The following HDX variants were observed in gnomAD, a reference collection of about 807,000 sequenced individuals.
HDX encodes highly divergent homeobox, also known as chromosome X open reading frame 43.
HDX carries 19 observed loss-of-function variants against 45.2 expected under a neutral mutation model. The observed-to-expected ratio is 0.42, with a 90% CI of 0.29 to 0.62. The LOEUF is 0.62. Ranked by LOEUF, HDX falls within the 20% of genes least tolerant of loss-of-function variation. HDX has a pLI of 0.20. For missense variants in HDX, 532 were observed against 493.9 expected, an observed-to-expected ratio of 1.08 and a Z score of -0.73; for synonymous variants, 188 against 172.8, an observed-to-expected ratio of 1.09 and a Z score of -0.69.
At position 84,319,746 on chromosome X, in the gene HDX, A is replaced by G. The variant is rs2036563331; in HGVS notation, c.*2143T>C. The G allele has an allele frequency of 9.0e-6, 1 of 111,464 alleles. No individual in the cohort carries two copies. Among genetic ancestry groups the G allele is most frequent in the African/African-American group, 3.2e-5 (1 of 30,865 alleles). The allele number at this position is 111,464 out of a possible 1,213,427, so 9.2% of individuals were successfully genotyped here. A position where few individuals can be genotyped will look rare whatever the true frequency, so the allele number is the denominator to read the frequency against. ...GAACCTTAAATCTATTAAAAATTCT[A>G]CTTAAATATGGTTTATTAATATCAT... On this transcript the variant is annotated 3_prime_UTR_variant, in exon 11 of 11. Transcript: ENST00000373177.
At position 84,320,974 on chromosome X, in the gene HDX, C is replaced by G. The variant is rs1411151944; in HGVS notation, c.*915G>C. ...AAATGAGGTAAATTTTGTGGCAAAG[C>G]TGAATGACTAAATTTTTAAAAAATC... On this transcript the variant is annotated 3_prime_UTR_variant, in exon 11 of 11. Coordinates refer to ENST00000373177, the MANE Select transcript of HDX (RefSeq NM_001177479.2). The G allele has an allele frequency of 9.0e-6, 1 of 110,628 alleles. No individual in the cohort carries two copies. Among genetic ancestry groups the G allele is most frequent in the African/African-American group, 3.3e-5 (1 of 30,614 alleles). The allele number at this position is 110,628 out of a possible 1,213,427, so 9.1% of individuals were successfully genotyped here. A position where few individuals can be genotyped will look rare whatever the true frequency, so the allele number is the denominator to read the frequency against.
intron 5 of HDX, among the ~76,000 whole-genome samples, chrX:84,365,534 C>G (rs1285948097): frequency 9.0e-6 from 1 of 111,656 alleles, no homozygotes; most frequent in African/African-American, 3.3e-5. Flanking sequence ...CTCCTGGTTC[C>G]CAAAGGAGGA....
At chrX:84,385,986 TG>T (rs1208757477) in intron 5 of HDX, among the ~76,000 whole-genome samples, 1 of 109,113 alleles carries the variant, frequency 9.2e-6, no homozygotes, top group East Asian at 2.9e-4. Flanking sequence ...TTGTTGGCTG[TG>T]GGTTTGTCAC....
chrX:84,353,908 G>A (rs2037416203), intron 6 of HDX, among the ~76,000 whole-genome samples: 1 of 111,134 alleles, frequency 9.0e-6, no homozygotes, highest in African/African-American at 3.3e-5. Flanking sequence ...CAATATCTAT[G>A]GTTTTATTTC....
At chrX:84,356,203 T>C (rs1384209365) in intron 6 of HDX, among the ~76,000 whole-genome samples, 1 of 111,796 alleles carries the variant, frequency 8.9e-6, no homozygotes, top group African/African-American at 3.2e-5. Context: ...TAAAAACATA[T>C]AAATAGTTTT....
chrX:84,374,396 T>C (rs2037985479), intron 5 of HDX, among the ~76,000 whole-genome samples: 1 of 109,785 alleles, frequency 9.1e-6, no homozygotes, highest in Admixed American at 9.8e-5. Flanking sequence ...CTTCACAGAA[T>C]TGGAAAAAAC....
intron 2 of HDX, among the ~76,000 whole-genome samples, chrX:84,486,123 C>A (rs763416799): frequency 9.0e-6 from 1 of 111,480 alleles, no homozygotes; most frequent in African/African-American, 3.3e-5. Context: ...CTTTTTCCAA[C>A]TTCTTTTGGA....
At chrX:84,410,903 A>G (rs2038967612) in intron 5 of HDX, among the ~76,000 whole-genome samples, 1 of 111,133 alleles carries the variant, frequency 9.0e-6, no homozygotes, top group South Asian at 3.8e-4. Context: ...GGAGGGTTGT[A>G]TGTTTCTAGA....
chrX:84,497,142 C>T (rs2041018496), intron 1 of HDX, among the ~76,000 whole-genome samples: 1 of 111,919 alleles, frequency 8.9e-6, no homozygotes, highest in African/African-American at 3.2e-5. Flanking sequence ...CCTGAGGCCT[C>T]CCCAGCCATG....
rs56715513 is a variant in HDX at position 84,414,547 on chromosome X, C to T, written c.1305+25985G>A. Among the ~76,000 whole-genome samples, 341 of 111,304 alleles carry T rather than the reference C, an allele frequency of 3.1e-3. 1 individual carries two copies. The highest frequency in any genetic ancestry group is 0.011 in the African/African-American group (326 of 30,774). ...CTTTATCCTTTCATTTTTCTTTTCC[C>T]TGTTCCAGGTATGTCGAGATTCCAA... On this transcript the variant is annotated intron_variant, in intron 5 of 10. Coordinates refer to ENST00000373177, the MANE Select transcript of HDX (RefSeq NM_001177479.2).
At chrX:84,376,732 G>A (rs995966029) in intron 5 of HDX, among the ~76,000 whole-genome samples, 4 of 112,199 alleles carry the variant, frequency 3.6e-5, no homozygotes, top group African/African-American at 1.3e-4. Flanking sequence ...CAGTACAATA[G>A]AACAACAGGT....
rs188414995 is a variant in HDX at position 84,416,703 on chromosome X, G to A, written c.1305+23829C>T. ...ATATATAGGCTTAAATTTTCTAGCA[G>A]CAACAATTAAAAAGTAAAAAGCTGT... is the stretch of plus-strand genomic sequence containing the variant. On this transcript the variant is annotated intron_variant, in intron 5 of 10. Transcript: ENST00000373177. Among the ~76,000 whole-genome samples, 5 of 111,193 alleles carry A rather than the reference G, an allele frequency of 4.5e-5. No homozygotes were observed. The East Asian group carries it at 1.4e-3, about 32-fold the overall frequency.
At chrX:84,440,003 A>T (rs974386227) in intron 5 of HDX, 11 of 111,802 alleles carry the variant, frequency 9.8e-5, no homozygotes, top group African/African-American at 3.6e-4. Flanking sequence ...TATTGGTCTT[A>T]CACACAAAAA....
rs1569273899 is a variant in HDX, at chrX:84,326,290, A to G, written c.1835T>C (p.Val612Ala). The change falls in exon 10 of 11, where the codon GTC becomes GCC. Residue 612 changes from valine to alanine, a missense_variant. Transcript: ENST00000373177. The part of the protein sequence containing the change: ...NSFLDYKNEE[V>A]KFIENELEIQ... ...CTCGAGCTCATTTTCAATGAATTTG[A>G]CTTCTTCATTCTGAAAGAGAAAATA... is the stretch of plus-strand genomic sequence containing the variant. 1 of 1,188,811 alleles carries G rather than the reference A, an allele frequency of 8.4e-7. No individual in the cohort carries two copies. Among genetic ancestry groups the G allele is most frequent in the Non-Finnish European group, 1.1e-6 (1 of 875,187 alleles).
At chrX:84,366,702 T>C (rs1180028440) in intron 5 of HDX, among the ~76,000 whole-genome samples, 1 of 111,087 alleles carries the variant, frequency 9.0e-6, no homozygotes, top group Non-Finnish European at 1.9e-5. Context: ...AACTGATCTT[T>C]GACAAACTTG....
chrX:84,459,153 TA>T (rs1044374403), intron 4 of HDX, among the ~76,000 whole-genome samples: 5 of 110,591 alleles, frequency 4.5e-5, no homozygotes, highest in African/African-American at 9.9e-5. Flanking sequence ...ATTAAGAAAA[TA>T]AAAAGAGGCT....
intron 5 of HDX, among the ~76,000 whole-genome samples, chrX:84,375,861 T>A (rs916368233): frequency 7.8e-4 from 87 of 111,200 alleles, no homozygotes; most frequent in Non-Finnish European, 1.3e-3. Flanking sequence ...AACCTGCACA[T>A]TGTGCACATG....
chrX:84,471,735 A>G (rs1266919680), intron 3 of HDX, among the ~76,000 whole-genome samples: 2 of 110,157 alleles, frequency 1.8e-5, no homozygotes, highest in Non-Finnish European at 3.8e-5. Flanking sequence ...TTTACTTCAC[A>G]TGAGGCAGTG....
chrX:84,347,550 T>C (rs753113880), intron 6 of HDX, among the ~76,000 whole-genome samples: 15 of 111,977 alleles, frequency 1.3e-4, no homozygotes, highest in African/African-American at 4.9e-4. Flanking sequence ...ATGCTCTTCC[T>C]TTATGTAGCT....
Sources: allele counts gnomAD v4.1 joint callset (sites outside exome capture counted in the v4.1 genomes callset), GRCh38; gene constraint gnomAD v4.1.1; transcripts MANE v1.5; gene names NCBI Gene and HGNC (gene_info 2026-07-23, HGNC 2026-07-21).